Variants in CADM2 observed in about 807,000 individuals in gnomAD.
CADM2 encodes the protein immunoglobulin superfamily member 4D.
Under a neutral mutation model 49.8 loss-of-function variants are expected in CADM2, and 12 were observed. The ratio of observed to expected loss-of-function variants is 0.24; its 90% CI spans 0.15 to 0.39. The LOEUF is 0.39. Ranked by LOEUF, CADM2 falls within the 10% of genes least tolerant of loss-of-function variation. CADM2 has a pLI of 1.00. For missense variants in CADM2, 378 were observed against 492.3 expected (o/e 0.77, Z 2.20); for synonymous variants, 214 against 175.4 (o/e 1.22, Z -1.74).
chr3:85,571,413 T>TA (rs2062471251), intron 1 of CADM2, among the ~76,000 whole-genome samples: 1 of 151,768 alleles, frequency 6.6e-6, no homozygotes. Flanking sequence ...CCAGATGTTT[T>TA]TTTTTTCTGC....
chr3:85,145,112 A>G lies in CADM2; in HGVS notation c.61+185444A>G, dbSNP rs1373922012. 3.3e-5 allele frequency among the ~76,000 whole-genome samples: 5 copies of G among 152,300 alleles called. 1 individual carries two copies. The highest frequency in any genetic ancestry group is 1.2e-4 in the African/African-American group (5 of 41,564). On this transcript the variant is annotated intron_variant, in intron 1 of 9. Transcript: ENST00000383699. ...TTCTATGCTAAGGAAAATTTTTTGGAAATATTTGAGAGGCATTGCTTTAAC... is the reference window on the plus strand; with the variant it reads ...TTCTATGCTAAGGAAAATTTTTTGGGAATATTTGAGAGGCATTGCTTTAAC...
At chr3:85,381,284 G>A (rs1280334758) in intron 1 of CADM2, among the ~76,000 whole-genome samples, 1 of 146,530 alleles carries the variant, frequency 6.8e-6, no homozygotes, top group Non-Finnish European at 1.5e-5. Flanking sequence ...GTTTTCTGCT[G>A]GTTAGGCATT....
Position 86,067,955 on chromosome 3 carries a change from T to C in CADM2, c.*1172T>C, listed in dbSNP as rs1739507931. On this transcript the variant is annotated 3_prime_UTR_variant, in exon 10 of 10. Coordinates refer to ENST00000383699, the MANE Select transcript of CADM2 (RefSeq NM_001167675.2). ...ACAACCAGTGCACAGCCTCAGGTTTTAAATTACAACCACAGTTGAATAATA... is the reference window on the plus strand; with the variant it reads ...ACAACCAGTGCACAGCCTCAGGTTTCAAATTACAACCACAGTTGAATAATA... The C allele has an allele frequency of 6.6e-6, 1 of 152,470 alleles. No individual in the cohort carries two copies. Among genetic ancestry groups the C allele is most frequent in the Non-Finnish European group, 1.5e-5 (1 of 67,892 alleles). The allele number at this position is 152,470 out of a possible 1,614,324, so 9.4% of individuals were successfully genotyped here. A position where few individuals can be genotyped will look rare whatever the true frequency, so the allele number is the denominator to read the frequency against.
intron 8 of CADM2, among the ~76,000 whole-genome samples, chr3:86,030,771 G>T (rs1284081861): frequency 2.0e-5 from 3 of 151,848 alleles, no homozygotes; most frequent in African/African-American, 7.2e-5. Flanking sequence ...GTTCATAAAT[G>T]AATTGATAAA....
intron 1 of CADM2, among the ~76,000 whole-genome samples, chr3:85,450,223 A>T (rs140945242): frequency 6.6e-6 from 1 of 152,102 alleles, no homozygotes; most frequent in African/African-American, 2.4e-5. Context: ...ATTTTTTTTT[A>T]ATTGTCACAT....
chr3:85,400,508 A>G (rs2035046175), intron 1 of CADM2, among the ~76,000 whole-genome samples: 1 of 152,120 alleles, frequency 6.6e-6, no homozygotes, highest in South Asian at 2.1e-4. Context: ...TGATTGGAGT[A>G]GTTTCAGAAG....
chr3:85,180,663 G>A (rs1170270863), intron 1 of CADM2, among the ~76,000 whole-genome samples: 1 of 151,938 alleles, frequency 6.6e-6, no homozygotes, highest in Non-Finnish European at 1.5e-5. Flanking sequence ...AAGTTCTGCA[G>A]GATTTCTAAT....
chr3:85,399,189 C>G (rs1043145050), intron 1 of CADM2, among the ~76,000 whole-genome samples: 3 of 152,140 alleles, frequency 2.0e-5, no homozygotes, highest in Admixed American at 6.5e-5. Context: ...AAGGGATCCA[C>G]TTTCAGCTTT....
chr3:85,453,055 A>G (rs2037824079), intron 1 of CADM2, among the ~76,000 whole-genome samples: 1 of 152,148 alleles, frequency 6.6e-6, no homozygotes, highest in Non-Finnish European at 1.5e-5. Context: ...TAGTTCACAG[A>G]TTACAAAAAT....
chr3:85,795,438 T>C (rs940016705), intron 2 of CADM2, among the ~76,000 whole-genome samples: 26 of 152,138 alleles, frequency 1.7e-4, no homozygotes, highest in African/African-American at 7.2e-5. Flanking sequence ...TTGCTCTGTA[T>C]TGGGAAAAAC....
At chr3:85,832,802 C>A (rs1429608955) in intron 3 of CADM2, among the ~76,000 whole-genome samples, 1 of 151,840 alleles carries the variant, frequency 6.6e-6, no homozygotes, top group African/African-American at 2.4e-5. Context: ...TTATTTCTTT[C>A]TCTTACCTGA....
intron 4 of CADM2, among the ~76,000 whole-genome samples, chr3:85,884,976 C>CCAAA (rs530537467): frequency 0.018 from 2,742 of 150,724 alleles, 28 homozygotes; most frequent in Non-Finnish European, 0.031. Context: ...CCTCGGCCTC[C>CCAAA]CAAAGTGTTG....
intron 1 of CADM2, among the ~76,000 whole-genome samples, chr3:85,609,080 T>C (rs1375561): frequency 0.3 from 45,182 of 152,008 alleles, 7,984 homozygotes; most frequent in East Asian, 0.61. Flanking sequence ...TCAATAGCTG[T>C]TTCTCAGGTA....
intron 3 of CADM2, among the ~76,000 whole-genome samples, chr3:85,853,836 T>C (rs1312750386): frequency 2.6e-5 from 4 of 152,174 alleles, no homozygotes; most frequent in African/African-American, 9.6e-5. Flanking sequence ...AGTTCCACTT[T>C]AGGAAAAGGC....
chr3:85,799,133 T>C (rs1057205448), intron 2 of CADM2, among the ~76,000 whole-genome samples: 1 of 152,200 alleles, frequency 6.6e-6, no homozygotes, highest in Non-Finnish European at 1.5e-5. Context: ...ATCCTGAGAC[T>C]TTGTTGAAGT....
intron 1 of CADM2, among the ~76,000 whole-genome samples, chr3:84,979,729 T>C (rs1372055950): frequency 6.6e-6 from 1 of 151,830 alleles, no homozygotes; most frequent in Non-Finnish European, 1.5e-5. Context: ...ACTCTAAGAG[T>C]CCTTTAGATT....
chr3:85,023,354 C>A (rs2034589941), intron 1 of CADM2, among the ~76,000 whole-genome samples: 1 of 151,940 alleles, frequency 6.6e-6, no homozygotes, highest in African/African-American at 2.4e-5. Context: ...TGTCTTCTAT[C>A]TTATCAAACA....
At chr3:85,731,751 C>T (rs922734138) in intron 2 of CADM2, among the ~76,000 whole-genome samples, 1 of 151,504 alleles carries the variant, frequency 6.6e-6, no homozygotes, top group African/African-American at 2.4e-5. Flanking sequence ...AAACAAAGTA[C>T]ATAAATGATA....
At position 86,066,947 on chromosome 3, in the gene CADM2, T is replaced by G. The variant is rs1739404114; in HGVS notation, c.*164T>G. 1 of 624,086 alleles carries G rather than the reference T, an allele frequency of 1.6e-6. No individual in the cohort carries two copies. Among genetic ancestry groups the G allele is most frequent in the Admixed American group, 2.7e-5 (1 of 36,438 alleles). The allele number at this position is 624,086 out of a possible 1,614,324, so 38.7% of individuals were successfully genotyped here. The stretch of plus-strand genomic sequence containing the variant: ...TACCAACAATCAGCTGTTGAAAGCA[T>G]CATTCTTTAATTACTGTACCATCCA... On this transcript the variant is annotated 3_prime_UTR_variant, in exon 10 of 10. Transcript: ENST00000383699.
Sources: allele counts gnomAD v4.1 joint callset (sites outside exome capture counted in the v4.1 genomes callset), GRCh38; gene constraint gnomAD v4.1.1; transcripts MANE v1.5; gene names NCBI Gene and HGNC (gene_info 2026-07-23, HGNC 2026-07-21).